The following C8orf76 variants were observed in gnomAD, a reference collection of about 807,000 sequenced individuals.
The protein encoded by C8orf76 is uncharacterized protein C8orf76.
In C8orf76, 46 loss-of-function variants were observed where a neutral mutation model predicts 38.1. That is an observed-to-expected ratio of 1.21 (90% CI 0.95 to 1.54). The LOEUF (loss-of-function observed/expected upper bound fraction) is 1.54, where lower values mean the gene tolerates loss of function less well. Among genes scored for constraint, C8orf76 ranks in the 40% most tolerant of loss-of-function variants. C8orf76 has a pLI of 0.00. For synonymous variants in C8orf76, 166 were observed against 167.5 expected, an observed-to-expected ratio of 0.99 and a Z score of 0.07; for missense variants, 461 against 441.6, an observed-to-expected ratio of 1.04 and a Z score of -0.39.
At chr8:123,232,310 G>A (rs140882531) in intron 3 of C8orf76, among the ~76,000 whole-genome samples, 167 of 152,274 alleles carry the variant, frequency 1.1e-3, no homozygotes, top group African/African-American at 3.9e-3. Context: ...TGCCTTCCCT[G>A]GTAACCATTA....
intron 4 of C8orf76, among the ~76,000 whole-genome samples, chr8:123,230,753 G>T (rs372789726): frequency 6.6e-6 from 1 of 151,534 alleles, no homozygotes; most frequent in African/African-American, 2.4e-5. Flanking sequence ...CGGGTTCAGC[G>T]ATTCCCCTGC....
chr8:123,234,621 T>C (rs1825393641), intron 3 of C8orf76, among the ~76,000 whole-genome samples: 1 of 151,980 alleles, frequency 6.6e-6, no homozygotes, highest in African/African-American at 2.4e-5. Context: ...TACAAAAAAT[T>C]AGCCAGATGT....
At chr8:123,236,145 C>T (rs889636010) in intron 3 of C8orf76, among the ~76,000 whole-genome samples, 4 of 152,138 alleles carry the variant, frequency 2.6e-5, no homozygotes, top group Non-Finnish European at 4.4e-5. Context: ...AGGCTGAGGT[C>T]CTATGCAGTG....
chr8:123,226,563 C>T lies in C8orf76; in HGVS notation c.885G>A (p.Gln295=), dbSNP rs1825050716. Residue 295 remains glutamine (Q), a synonymous_variant, in exon 5 of 6, where the codon CAG becomes CAA. Coordinates refer to ENST00000276704, the MANE Select transcript of C8orf76 (RefSeq NM_032847.3). ...FALERNLRTQ[Q]EIEDKMKGFS... ...ACCCTTTCATTTTATCTTCAATTTCCTGCTGAGTCCTTAAGTTCCTCTCCA... is the reference window on the plus strand; with the variant it reads ...ACCCTTTCATTTTATCTTCAATTTCTTGCTGAGTCCTTAAGTTCCTCTCCA... 1 of 1,613,500 alleles carries T rather than the reference C, an allele frequency of 6.2e-7. No homozygotes were observed. Among genetic ancestry groups the T allele is most frequent in the Non-Finnish European group, 8.5e-7 (1 of 1,179,898 alleles).
At chr8:123,233,097 C>T (rs1365686734) in intron 3 of C8orf76, among the ~76,000 whole-genome samples, 1 of 151,210 alleles carries the variant, frequency 6.6e-6, no homozygotes, top group East Asian at 2.0e-4. Context: ...CTCAGCTCAC[C>T]GCAACCTCTG....
chr8:123,224,993 A>G (rs1227110820), intron 5 of C8orf76, among the ~76,000 whole-genome samples: 1 of 152,000 alleles, frequency 6.6e-6, no homozygotes, highest in Non-Finnish European at 1.5e-5. Context: ...TAAAAGACTG[A>G]TCAGAAGTGT....
intron 4 of C8orf76, among the ~76,000 whole-genome samples, chr8:123,226,988 C>T (rs1237648961): frequency 6.6e-6 from 1 of 152,174 alleles, no homozygotes; most frequent in Non-Finnish European, 1.5e-5. Context: ...AGGAACGAGC[C>T]TCCCAATCAG....
chr8:123,221,077 G>A (rs193101054), intron 5 of C8orf76, among the ~76,000 whole-genome samples: 12 of 152,244 alleles, frequency 7.9e-5, no homozygotes, highest in East Asian at 3.9e-4. Flanking sequence ...CTGCAAACCC[G>A]GATATTGAAT....
chr8:123,236,914 C>T (rs747866473), intron 3 of C8orf76: 35 of 1,283,684 alleles, frequency 2.7e-5, no homozygotes, highest in Non-Finnish European at 2.9e-5. Flanking sequence ...AGCCCAGCAA[C>T]GCCAAAATTC....
Position 123,220,041 on chromosome 8 carries a change from T to C in C8orf76, c.*62A>G, listed in dbSNP as rs1219336528. 3.0e-6 allele frequency: 3 copies of C among 987,312 alleles called. No individual in the cohort carries two copies. Among genetic ancestry groups the C allele is most frequent in the East Asian group, 5.1e-5 (2 of 39,380 alleles). The allele number at this position is 987,312 out of a possible 1,614,324, so 61.2% of individuals were successfully genotyped here. A position where few individuals can be genotyped will look rare whatever the true frequency, so the allele number is the denominator to read the frequency against. Reference sequence around the variant, plus strand: ...TCCATGATTAGCAATGGATCCTGTCTGAAGTAAACAAGGACAATTAATACA... The same window carrying C: ...TCCATGATTAGCAATGGATCCTGTCCGAAGTAAACAAGGACAATTAATACA... On this transcript the variant is annotated 3_prime_UTR_variant, in exon 6 of 6. Transcript: ENST00000276704.
rs564983874 is a variant in C8orf76 at position 123,237,940 on chromosome 8, T to C, written c.215A>G (p.Lys72Arg). ...GATACTGGAATACTCCTGCAGTGCT[T>C]TCTGGAAATTATTTGTTAAATAAAG... ...DLAYRRQEYQ[K>R]ALQEYSSISE... The change falls in exon 3 of 6, where the codon AAA (lysine) becomes AGA (arginine). Residue 72 changes from lysine (K) to arginine (R), a missense_variant and splice_region_variant. Physicochemically the swap from Lys to Arg is conservative, Grantham distance 26. Coordinates refer to ENST00000276704, the MANE Select transcript of C8orf76 (RefSeq NM_032847.3). 6.2e-7 allele frequency: 1 copy of C among 1,602,522 alleles called. No homozygotes were observed. The highest frequency in any genetic ancestry group is 1.3e-5 in the African/African-American group (1 of 74,400).
intron 3 of C8orf76, 64 bp downstream of exon 3, chr8:123,237,734 A>G: frequency 6.6e-7 from 1 of 1,516,140 alleles, no homozygotes; most frequent in Non-Finnish European, 8.8e-7. Flanking sequence ...TTTGTTTTCA[A>G]AAAATACACC....
chr8:123,222,325 CT>C (rs1824914908), intron 5 of C8orf76, among the ~76,000 whole-genome samples: 2 of 152,198 alleles, frequency 1.3e-5, no homozygotes. Context: ...AATGATATGT[CT>C]TAAAACTGAT....
rs181489913 is a variant in C8orf76 at position 123,238,695 on chromosome 8, C to T, written c.213+354G>A. On this transcript the variant is annotated intron_variant, in intron 2 of 5. Transcript: ENST00000276704. ...GAGATACATATGTAACGCAATCTAA[C>T]ATCTAGTTGTTAGTTCTTTTTCTTA... 486 of 170,518 alleles carry T rather than the reference C, an allele frequency of 2.9e-3. 3 individuals are homozygous for T. The highest frequency in any genetic ancestry group is 8.8e-3 in the Middle Eastern group (3 of 342). The allele number at this position is 170,518 out of a possible 1,614,324, so 10.6% of individuals were successfully genotyped here.
At position 123,220,088 on chromosome 8, in the gene C8orf76, GT is replaced by G; in HGVS notation, c.*14del. 1 of 1,553,048 alleles carries G rather than the reference GT, an allele frequency of 6.4e-7. No homozygotes were observed. The highest frequency in any genetic ancestry group is 8.8e-7 in the Non-Finnish European group (1 of 1,138,850). ...TACAGTACAAGATATTTGTGGTTTT[GT>G]TTTTTATAACCCACTAAGCCAAGAT... is the stretch of plus-strand genomic sequence containing the variant. On this transcript the variant is annotated 3_prime_UTR_variant, in exon 6 of 6. Coordinates refer to ENST00000276704, the MANE Select transcript of C8orf76 (RefSeq NM_032847.3).
intron 3 of C8orf76, among the ~76,000 whole-genome samples, chr8:123,237,408 G>T (rs188217905): frequency 4.9e-4 from 74 of 152,300 alleles, no homozygotes; most frequent in Admixed American, 8.5e-4. Flanking sequence ...GTCATTTTGG[G>T]GGGGGGACCT....
intron 3 of C8orf76, among the ~76,000 whole-genome samples, chr8:123,234,830 C>T (rs1384619823): frequency 2.0e-5 from 3 of 151,578 alleles, no homozygotes; most frequent in East Asian, 1.9e-4. Context: ...GGTGTGGTGA[C>T]ACATGCCTAT....
intron 3 of C8orf76, chr8:123,236,808 A>G: frequency 1.6e-6 from 1 of 609,068 alleles, no homozygotes; most frequent in Non-Finnish European, 3.0e-6. Flanking sequence ...AGAAAGAAAA[A>G]TTCCCTTTTT....
intron 3 of C8orf76, among the ~76,000 whole-genome samples, chr8:123,233,838 C>T (rs1825365709): frequency 6.6e-6 from 1 of 151,844 alleles, no homozygotes; most frequent in Non-Finnish European, 1.5e-5. Context: ...ACCATCCTGG[C>T]TAACATGGCG....
Sources: gnomAD v4.1 joint callset for allele counts (sites outside exome capture counted in the v4.1 genomes callset) on GRCh38, gnomAD v4.1.1 for gene constraint, MANE v1.5 for transcripts, NCBI Gene and HGNC (gene_info 2026-07-23, HGNC 2026-07-21) for gene names.